The following RSRC1 variants were observed in gnomAD, a reference collection of about 807,000 sequenced individuals.
RSRC1 encodes the protein arginine and serine rich coiled-coil 1, also known as serine/Arginine-related protein 53.
RSRC1 carries 39 observed loss-of-function variants against 49.1 expected under a neutral mutation model. The observed-to-expected ratio is 0.79, with a 90% CI of 0.61 to 1.04. RSRC1 has a LOEUF of 1.04. Among genes scored for constraint, RSRC1 ranks in the 50% least tolerant of loss-of-function variants. RSRC1 has a pLI of 0.00. For synonymous variants in RSRC1, 143 were observed against 130.8 expected (o/e 1.09, Z -0.63); for missense variants, 388 against 402.4 (o/e 0.96, Z 0.31).
At chr3:158,162,386 A>T (rs745596750) in intron 3 of RSRC1, among the ~76,000 whole-genome samples, 92 of 152,308 alleles carry the variant, frequency 6.0e-4, no homozygotes, top group Admixed American at 1.1e-3. Flanking sequence ...AGGAAAGAGC[A>T]TGTTAATGGT....
chr3:158,111,913 C>T (rs899627115), intron 1 of RSRC1, among the ~76,000 whole-genome samples: 4 of 152,162 alleles, frequency 2.6e-5, no homozygotes, highest in African/African-American at 4.8e-5. Context: ...GTTCTCTTTT[C>T]TTGAATGACC....
chr3:158,175,350 A>G (rs1180428274), intron 3 of RSRC1, among the ~76,000 whole-genome samples: 1 of 152,090 alleles, frequency 6.6e-6, no homozygotes, highest in Non-Finnish European at 1.5e-5. Flanking sequence ...CTTTGTGGTT[A>G]GTACTTTTTG....
chr3:158,511,712 T>G (rs1299857199), intron 7 of RSRC1, among the ~76,000 whole-genome samples: 1 of 152,240 alleles, frequency 6.6e-6, no homozygotes, highest in East Asian at 1.9e-4. Context: ...ACTTCCACCA[T>G]GGTTGAACTA....
At chr3:158,500,305 A>G (rs1739533788) in intron 7 of RSRC1, among the ~76,000 whole-genome samples, 1 of 152,140 alleles carries the variant, frequency 6.6e-6, no homozygotes, top group Non-Finnish European at 1.5e-5. Context: ...ATGTTCATCA[A>G]GGATATCGGT....
intron 1 of RSRC1, among the ~76,000 whole-genome samples, chr3:158,121,883 G>A (rs1715282855): frequency 6.6e-6 from 1 of 152,142 alleles, no homozygotes; most frequent in African/African-American, 2.4e-5. Flanking sequence ...GCTCATGCCT[G>A]TAGTCCCAGC....
intron 7 of RSRC1, among the ~76,000 whole-genome samples, chr3:158,499,901 G>T (rs1739515454): frequency 6.6e-6 from 1 of 152,118 alleles, no homozygotes; most frequent in Non-Finnish European, 1.5e-5. Context: ...CGAGTACTAT[G>T]TTGAAGAGGA....
chr3:158,214,841 G>A (rs979817075), intron 4 of RSRC1, among the ~76,000 whole-genome samples: 1 of 151,696 alleles, frequency 6.6e-6, no homozygotes, highest in South Asian at 2.1e-4. Context: ...TTATGAATTA[G>A]GATATGGTCT....
At chr3:158,482,549 G>A (rs1578531034) in intron 7 of RSRC1, among the ~76,000 whole-genome samples, 1 of 152,090 alleles carries the variant, frequency 6.6e-6, no homozygotes, top group East Asian at 1.9e-4. Flanking sequence ...GCAGGAGAAT[G>A]GACAAGAAGA....
intron 4 of RSRC1, among the ~76,000 whole-genome samples, chr3:158,248,921 G>T (rs1724056766): frequency 6.6e-6 from 1 of 152,142 alleles, no homozygotes; most frequent in African/African-American, 2.4e-5. Context: ...ATTGACAGGT[G>T]TCAGGTTGCT....
At chr3:158,199,077 C>G (rs1025448949) in intron 3 of RSRC1, among the ~76,000 whole-genome samples, 1 of 152,114 alleles carries the variant, frequency 6.6e-6, no homozygotes, top group African/African-American at 2.4e-5. Flanking sequence ...GAGGGTCTTT[C>G]TCACGCTATT....
intron 6 of RSRC1, among the ~76,000 whole-genome samples, chr3:158,381,362 C>G (rs994149977): frequency 3.3e-5 from 5 of 152,172 alleles, no homozygotes; most frequent in African/African-American, 1.2e-4. Context: ...CCATGTGACA[C>G]TAATTATTTC....
At chr3:158,113,103 A>G (rs552925727) in intron 1 of RSRC1, among the ~76,000 whole-genome samples, 4 of 136,318 alleles carry the variant, frequency 2.9e-5, no homozygotes, top group Non-Finnish European at 6.3e-5. Context: ...TGCAGTGAAC[A>G]TAAACGTGCA....
chr3:158,328,993 T>C (rs542929693), intron 5 of RSRC1, among the ~76,000 whole-genome samples: 8 of 152,358 alleles, frequency 5.3e-5, no homozygotes, highest in Admixed American at 4.6e-4. Context: ...CATTTGATTT[T>C]CCATCCCTGA....
intron 5 of RSRC1, among the ~76,000 whole-genome samples, chr3:158,344,862 G>A (rs913484367): frequency 6.6e-6 from 1 of 152,130 alleles, no homozygotes; most frequent in Non-Finnish European, 1.5e-5. Flanking sequence ...TAGTATAGAA[G>A]AAATGGTATA....
chr3:158,284,142 G>A (rs546605056), intron 4 of RSRC1, among the ~76,000 whole-genome samples: 3,628 of 150,668 alleles, frequency 0.024, 156 homozygotes, highest in African/African-American at 0.084. Flanking sequence ...AATATGTGGT[G>A]TTTGGTTTTT....
At chr3:158,261,805 G>A (rs550505407) in intron 4 of RSRC1, among the ~76,000 whole-genome samples, 1 of 152,290 alleles carries the variant, frequency 6.6e-6, no homozygotes, top group South Asian at 2.1e-4. Flanking sequence ...AGATGGAACT[G>A]TCTAGTTTCA....
intron 3 of RSRC1, among the ~76,000 whole-genome samples, chr3:158,135,195 A>G (rs1716289931): frequency 1.3e-5 from 2 of 152,162 alleles, no homozygotes; most frequent in Admixed American, 1.3e-4. Context: ...GTTTACTGCC[A>G]CATGTTGTTT....
intron 3 of RSRC1, among the ~76,000 whole-genome samples, chr3:158,124,386 T>G (rs1288592657): frequency 6.6e-6 from 1 of 152,218 alleles, no homozygotes; most frequent in Non-Finnish European, 1.5e-5. Flanking sequence ...GCAGTTTTCT[T>G]GTAATATATT....
At chr3:158,455,860 A>T (rs529418510) in intron 6 of RSRC1, among the ~76,000 whole-genome samples, 1 of 151,788 alleles carries the variant, frequency 6.6e-6, no homozygotes, top group Admixed American at 6.6e-5. Flanking sequence ...CATGCCTGTA[A>T]TCCCAGCTAC....
Sources: allele counts gnomAD v4.1 joint callset (sites outside exome capture counted in the v4.1 genomes callset), GRCh38; gene constraint gnomAD v4.1.1; transcripts MANE v1.5; gene names NCBI Gene and HGNC (gene_info 2026-07-23, HGNC 2026-07-21).